Variants in IL1RAPL1 observed in about 807,000 individuals in gnomAD.
The protein encoded by IL1RAPL1 is interleukin 1 receptor accessory protein like 1.
IL1RAPL1 carries 3 observed loss-of-function variants against 48.4 expected under a neutral mutation model. That is an observed-to-expected ratio of 0.06 (90% CI 0.03 to 0.16). The LOEUF (loss-of-function observed/expected upper bound fraction) is 0.16. Among genes scored for constraint, IL1RAPL1 ranks in the 10% least tolerant of loss-of-function variants. The pLI is 1.00. For synonymous variants in IL1RAPL1, 185 were observed against 187.7 expected (o/e 0.99, Z 0.12); for missense variants, 349 against 530.6 (o/e 0.66, Z 3.36).
intron 2 of IL1RAPL1, among the ~76,000 whole-genome samples, chrX:29,240,258 A>G (rs1234376970): frequency 3.8e-5 from 2 of 53,031 alleles, no homozygotes; most frequent in African/African-American, 1.1e-4. Context: ...TTTTTGAGGC[A>G]GAGTCTCACT....
intron 5 of IL1RAPL1, among the ~76,000 whole-genome samples, chrX:29,473,408 C>T (rs942488035): frequency 4.5e-5 from 5 of 111,110 alleles, no homozygotes; most frequent in African/African-American, 1.3e-4. Flanking sequence ...CAGCCTGTCA[C>T]GTTTGGTTAG....
intron 8 of IL1RAPL1, among the ~76,000 whole-genome samples, chrX:29,922,942 T>A (rs1041856688): frequency 2.7e-5 from 3 of 111,531 alleles, no homozygotes; most frequent in African/African-American, 9.9e-5. Flanking sequence ...TGTTGAATAC[T>A]GATCTTGTAT....
At position 29,020,372 on chromosome X, in the gene IL1RAPL1, G is replaced by A. The variant is rs189045864; in HGVS notation, c.82+230947G>A. 4.7e-3 allele frequency among the ~76,000 whole-genome samples: 522 copies of A among 111,924 alleles called. 3 individuals are homozygous for A. The highest frequency in any genetic ancestry group is 0.016 in the African/African-American group (486 of 30,800). On this transcript the variant is annotated intron_variant, in intron 2 of 10. Coordinates refer to ENST00000378993, the MANE Select transcript of IL1RAPL1 (RefSeq NM_014271.4). ...CCATATTTTTTCTATGTTTAGCTAT[G>A]TTTACATATACAAATACTTACCATT...
At chrX:29,823,632 G>A (rs1006739987) in intron 6 of IL1RAPL1, among the ~76,000 whole-genome samples, 1 of 111,973 alleles carries the variant, frequency 8.9e-6, no homozygotes, top group Admixed American at 9.5e-5. Context: ...AAAATAATTA[G>A]TTTCTAAAGG....
chrX:29,759,830 C>G (rs746929504), intron 6 of IL1RAPL1, among the ~76,000 whole-genome samples: 3 of 111,686 alleles, frequency 2.7e-5, no homozygotes, highest in East Asian at 2.8e-4. Flanking sequence ...TTGCTAGGCC[C>G]TTTATATTGA....
chrX:28,844,447 A>G (rs1409012693), intron 2 of IL1RAPL1, among the ~76,000 whole-genome samples: 2 of 109,180 alleles, frequency 1.8e-5, no homozygotes, highest in Non-Finnish European at 3.8e-5. Context: ...ATGATGAAAG[A>G]CTTAACGTTT....
intron 6 of IL1RAPL1, among the ~76,000 whole-genome samples, chrX:29,801,000 CAAAAAAAAAAAAAAAAAAAAAAAAAAA>C (rs781152873): frequency 5.8e-4 from 1 of 1,739 alleles, no homozygotes; most frequent in Admixed American, 0.016. Flanking sequence ...AACTCCGTCT[CAAAAAAAAAAAAAAAAAAAAAAAAAAA>C]AAAAAAACTC....
chrX:29,070,655 A>C (rs1927547720), intron 2 of IL1RAPL1, among the ~76,000 whole-genome samples: 1 of 111,631 alleles, frequency 9.0e-6, no homozygotes, highest in Admixed American at 9.6e-5. Context: ...TGGATCTCCT[A>C]GTATACGTAA....
At chrX:29,380,934 C>G (rs1193154689) in intron 3 of IL1RAPL1, among the ~76,000 whole-genome samples, 2 of 111,959 alleles carry the variant, frequency 1.8e-5, no homozygotes, top group Non-Finnish European at 3.8e-5. Flanking sequence ...CCATGGAGTG[C>G]TCAAGCCAGT....
chrX:28,630,227 G>A (rs562486341), intron 1 of IL1RAPL1, among the ~76,000 whole-genome samples: 92 of 110,603 alleles, frequency 8.3e-4, no homozygotes, highest in South Asian at 1.9e-3. Context: ...ACTAATCTGG[G>A]CTTTATTTTT....
intron 5 of IL1RAPL1, among the ~76,000 whole-genome samples, chrX:29,545,494 C>T (rs145033984): frequency 9.0e-6 from 1 of 111,440 alleles, no homozygotes; most frequent in Non-Finnish European, 1.9e-5. Flanking sequence ...CTCTCATGCT[C>T]CTCCAGGTAA....
intron 2 of IL1RAPL1, among the ~76,000 whole-genome samples, chrX:28,810,318 C>T (rs998283619): frequency 3.6e-5 from 4 of 109,829 alleles, no homozygotes; most frequent in East Asian, 2.9e-4. Flanking sequence ...TCAACATTTC[C>T]GTAGTTAGTA....
intron 6 of IL1RAPL1, among the ~76,000 whole-genome samples, chrX:29,684,316 G>A (rs924333335): frequency 9.0e-6 from 1 of 111,414 alleles, no homozygotes; most frequent in Non-Finnish European, 1.9e-5. Context: ...TCTTCCCATA[G>A]TGGAGGAAGC....
At chrX:29,066,987 A>G (rs993844468) in intron 2 of IL1RAPL1, among the ~76,000 whole-genome samples, 2 of 111,730 alleles carry the variant, frequency 1.8e-5, no homozygotes, top group African/African-American at 6.5e-5. Context: ...GATGTAGACC[A>G]TGTGTAAACG....
intron 2 of IL1RAPL1, among the ~76,000 whole-genome samples, chrX:28,859,837 C>T (rs1351754219): frequency 9.2e-6 from 1 of 109,047 alleles, no homozygotes; most frequent in Non-Finnish European, 1.9e-5. Context: ...ATGGTGGTCT[C>T]TTACAAAAAA....
intron 2 of IL1RAPL1, among the ~76,000 whole-genome samples, chrX:29,244,628 T>C (rs2147568250): frequency 8.9e-6 from 1 of 112,566 alleles, no homozygotes; most frequent in East Asian, 2.8e-4. Flanking sequence ...AAATGATGAT[T>C]ATTTTTGCAT....
chrX:28,728,996 A>C (rs917278753), intron 1 of IL1RAPL1, among the ~76,000 whole-genome samples: 1 of 112,181 alleles, frequency 8.9e-6, no homozygotes, highest in Admixed American at 9.5e-5. Flanking sequence ...TTTAAACTTA[A>C]AGGGAACTTT....
At chrX:29,244,882 C>CT (rs1931481869) in intron 2 of IL1RAPL1, among the ~76,000 whole-genome samples, 1 of 110,512 alleles carries the variant, frequency 9.0e-6, no homozygotes, top group East Asian at 2.8e-4. Context: ...CCCATCCACC[C>CT]GTCATCTATG....
At position 29,711,043 on chromosome X, in the gene IL1RAPL1, G is replaced by GGTGTGTGT. The variant is rs768108356; in HGVS notation, c.778+42556_778+42563dup. On this transcript the variant is annotated intron_variant, in intron 6 of 10. Transcript: ENST00000378993. ...TCTGAGTCTTTTTATCCATGAGCAT[G>GGTGTGTGT]GTGTGTGTGTGTGTGTGTGTGTGTA... Among the ~76,000 whole-genome samples the GGTGTGTGT allele has an allele frequency of 5.7e-3, 397 of 69,144 alleles. 3 individuals are homozygous for GGTGTGTGT. The highest frequency in any genetic ancestry group is 0.014 in the African/African-American group (299 of 21,230). The allele number at this position is 69,144 out of a possible 115,157, so 60.0% of individuals were successfully genotyped here.
Sources: gnomAD v4.1 joint callset for allele counts (sites outside exome capture counted in the v4.1 genomes callset) on GRCh38, gnomAD v4.1.1 for gene constraint, MANE v1.5 for transcripts, NCBI Gene and HGNC (gene_info 2026-07-23, HGNC 2026-07-21) for gene names.